The following GRK3 variants were observed in gnomAD, a reference collection of about 807,000 sequenced individuals.
GRK3 encodes the protein G protein-coupled receptor kinase 3.
GRK3 carries 54 observed loss-of-function variants against 95.7 expected under a neutral mutation model. That is an observed-to-expected ratio of 0.56 (90% CI 0.45 to 0.71). The LOEUF is 0.71. Ranked by LOEUF, GRK3 falls within the 30% of genes least tolerant of loss-of-function variation. The pLI is 0.00. For synonymous variants in GRK3, 281 were observed against 290.8 expected (o/e 0.97, Z 0.34); for missense variants, 649 against 851.2 (o/e 0.76, Z 2.96).
At chr22:25,718,474 T>C in intron 19 of GRK3, 93 bp downstream of exon 19, 7 of 1,353,244 alleles carry the variant, frequency 5.2e-6, no homozygotes, top group African/African-American at 1.5e-5. Flanking sequence ...TACACTATCC[T>C]CCGAAACTCT....
chr22:25,667,304 G>A (rs12168197), intron 5 of GRK3, among the ~76,000 whole-genome samples: 2 of 152,190 alleles, frequency 1.3e-5, no homozygotes, highest in Non-Finnish European at 2.9e-5. Context: ...TAGCTTACAA[G>A]TTGTGCCACA....
At chr22:25,569,369 C>A (rs1252228812) in intron 1 of GRK3, among the ~76,000 whole-genome samples, 1 of 152,114 alleles carries the variant, frequency 6.6e-6, no homozygotes, top group Non-Finnish European at 1.5e-5. Context: ...GTGTAGATGT[C>A]AATTCTTAGA....
intron 2 of GRK3, among the ~76,000 whole-genome samples, chr22:25,614,181 G>A (rs1601474631): frequency 6.6e-6 from 1 of 152,164 alleles, no homozygotes; most frequent in East Asian, 1.9e-4. Context: ...AGGCTGGAAT[G>A]CAGTGGTACA....
intron 1 of GRK3, among the ~76,000 whole-genome samples, chr22:25,571,201 C>T (rs576411838): frequency 2.0e-5 from 3 of 152,154 alleles, no homozygotes; most frequent in Admixed American, 6.5e-5. Flanking sequence ...CCCTCGTTTT[C>T]CTGTGCCATC....
rs548243353 is a variant in GRK3, at chr22:25,585,121, A to G, written c.114-19256A>G. Among the ~76,000 whole-genome samples the G allele has an allele frequency of 2.6e-5, 4 of 152,384 alleles. No individual in the cohort carries two copies. In the East Asian group the frequency reaches 7.7e-4, roughly 29 times the overall value. ...GCTTTCCCTCATCCTGGGCTTGTAG[A>G]ACAGCTCTGCCTGCCTCGCTATAGG... On this transcript the variant is annotated intron_variant, in intron 1 of 20. Transcript: ENST00000324198.
chr22:25,694,972 G>T, intron 12 of GRK3, 135 bp from the exon 13 acceptor site: 2 of 576,960 alleles, frequency 3.5e-6, no homozygotes. Flanking sequence ...TCACGTTTGC[G>T]GTGAAGCACA....
intron 8 of GRK3, among the ~76,000 whole-genome samples, chr22:25,677,262 G>C (rs1049177466): frequency 2.6e-5 from 4 of 151,294 alleles, no homozygotes; most frequent in African/African-American, 9.7e-5. Context: ...CTATGCTCCA[G>C]CTACTCTGGA....
intron 2 of GRK3, among the ~76,000 whole-genome samples, chr22:25,628,501 C>A (rs140371046): frequency 6.6e-6 from 1 of 152,114 alleles, no homozygotes; most frequent in Non-Finnish European, 1.5e-5. Flanking sequence ...GAATGCCATG[C>A]GGTTATAAAA....
In GRK3 at chr22:25,644,707, A is replaced by G. The variant is rs768075533; in HGVS notation, c.264+42A>G. On this transcript the variant is annotated intron_variant, in intron 3 of 20. Transcript: ENST00000324198. ...TTACTGATGCTTTTCTTTCAAAAGCATATTTAAACTGTACTTTGGAACATA... is the reference window on the plus strand; with the variant it reads ...TTACTGATGCTTTTCTTTCAAAAGCGTATTTAAACTGTACTTTGGAACATA... 2.9e-6 allele frequency: 3 copies of G among 1,017,810 alleles called. No homozygotes were observed. In the South Asian group the frequency reaches 4.6e-5, roughly 16 times the overall value. The allele number at this position is 1,017,810 out of a possible 1,614,324, so 63.0% of individuals were successfully genotyped here.
intron 3 of GRK3, among the ~76,000 whole-genome samples, chr22:25,655,024 T>G (rs1434477672): frequency 6.6e-6 from 1 of 152,210 alleles, no homozygotes; most frequent in Non-Finnish European, 1.5e-5. Context: ...CTTTACACTT[T>G]GAAGTTATTA....
chr22:25,586,837 A>C (rs1002634444), intron 1 of GRK3, among the ~76,000 whole-genome samples: 2 of 152,260 alleles, frequency 1.3e-5, no homozygotes, highest in African/African-American at 4.8e-5. Flanking sequence ...CCTCCTTGAA[A>C]ATGCTCCCTG....
rs1348837531 is a variant in GRK3, at chr22:25,564,692, C to G, written c.-349C>G. 6.6e-6 allele frequency among the ~76,000 whole-genome samples: 1 copy of G among 151,480 alleles called. No individual in the cohort carries two copies. Among genetic ancestry groups the G allele is most frequent in the Non-Finnish European group, 1.5e-5 (1 of 67,800 alleles). On this transcript the variant is annotated 5_prime_UTR_variant, in exon 1 of 21. Coordinates refer to ENST00000324198, the MANE Select transcript of GRK3 (RefSeq NM_005160.4). The stretch of plus-strand genomic sequence containing the variant: ...CCGTAGAGACTTGGTCGGGAGGCGC[C>G]GGCCCAGCGAGGCCGCTGGGACTGT...
chr22:25,704,339 A>G (rs2085283127), intron 15 of GRK3, 130 bp downstream of exon 15: 1 of 638,592 alleles, frequency 1.6e-6, no homozygotes, highest in Non-Finnish European at 2.7e-6. Context: ...AAAAAAATAA[A>G]TCACATGGGA....
chr22:25,721,366 A>G lies in GRK3; in HGVS notation c.1874A>G (p.Lys625Arg), dbSNP rs772056102. The G allele has an allele frequency of 5.6e-6, 9 of 1,599,108 alleles. No individual in the cohort carries two copies. Among genetic ancestry groups the G allele is most frequent in the Non-Finnish European group, 7.7e-6 (9 of 1,169,638 alleles). Residue 625 changes from lysine to arginine, a missense_variant, in exon 20 of 21, where the codon AAA becomes AGA. By Grantham distance (26) the Lys-to-Arg change is conservative (BLOSUM62 2). This residue lies in a region of GRK3 where 382 missense variants were observed against 493.8 expected (regional missense o/e 0.77). Transcript: ENST00000324198. ...AAAAAATGCATTTTGTTCAGAATAA[A>G]AGGAGGGAAACAATTTGTCTTGCAA... ...KDKKCILFRI[K>R]GGKQFVLQCE...
At chr22:25,643,549 C>T (rs1165255924) in intron 2 of GRK3, among the ~76,000 whole-genome samples, 1 of 152,206 alleles carries the variant, frequency 6.6e-6, no homozygotes, top group Non-Finnish European at 1.5e-5. Flanking sequence ...GTGAGTCTTT[C>T]TTCAGTTCCT....
intron 7 of GRK3, 134 bp downstream of exon 7, chr22:25,672,481 T>C: frequency 1.6e-6 from 1 of 620,208 alleles, no homozygotes; most frequent in Non-Finnish European, 2.9e-6. Context: ...CTTACAGCTT[T>C]AAGTACTAAG....
Position 25,688,850 on chromosome 22 carries a change from C to T in GRK3, c.957+1183C>T, listed in dbSNP as rs571642088. Among the ~76,000 whole-genome samples the T allele has an allele frequency of 4.5e-4, 68 of 152,212 alleles. No individual in the cohort carries two copies. In the South Asian group the frequency reaches 0.014, roughly 31 times the overall value. On this transcript the variant is annotated intron_variant, in intron 11 of 20. Coordinates refer to ENST00000324198, the MANE Select transcript of GRK3 (RefSeq NM_005160.4). ...TAATGATTGCGCAAACATAGAAATG[C>T]GTAAATTGTAATAAGAAAAATGATG...
chr22:25,671,735 C>T lies in GRK3; in HGVS notation c.504-561C>T, dbSNP rs542595826. ...ATACATGAGCAGGCCTGGCACATGG[C>T]TACTCTTAGAATTATTTGTAAACAT... On this transcript the variant is annotated intron_variant, in intron 6 of 20. Transcript: ENST00000324198. 3.9e-5 allele frequency among the ~76,000 whole-genome samples: 6 copies of T among 152,342 alleles called. No individual in the cohort carries two copies. In the East Asian group the frequency reaches 1.2e-3, roughly 29 times the overall value.
intron 17 of GRK3, 42 bp from the exon 18 acceptor site, chr22:25,714,366 G>A (rs1369396601): frequency 1.9e-6 from 3 of 1,569,750 alleles, no homozygotes; most frequent in South Asian, 2.4e-5. Context: ...ACCTTTGTAA[G>A]TATGTTAAAT....
Sources: gnomAD v4.1 joint callset for allele counts (sites outside exome capture counted in the v4.1 genomes callset) on GRCh38, gnomAD v4.1.1 for gene constraint, gnomAD v4.1.1 regional missense constraint, MANE v1.5 for transcripts, NCBI Gene and HGNC (gene_info 2026-07-23, HGNC 2026-07-21) for gene names.